The following TOP1MT variants were observed in gnomAD, a reference collection of about 807,000 sequenced individuals.
The protein encoded by TOP1MT is DNA topoisomerase I mitochondrial, also known as DNA topoisomerase I, mitochondrial.
A neutral mutation model predicts 73.9 loss-of-function variants in TOP1MT; 80 were observed. The observed-to-expected ratio is 1.08, with a 90% CI of 0.90 to 1.30. TOP1MT has a LOEUF of 1.30. Among genes scored for constraint, TOP1MT ranks in the 50% most tolerant of loss-of-function variants. The pLI is 0.00. For missense variants in TOP1MT, 815 were observed against 808.0 expected, an observed-to-expected ratio of 1.01 and a Z score of -0.10; for synonymous variants, 338 against 326.4, an observed-to-expected ratio of 1.04 and a Z score of -0.38.
At chr8:143,359,278 G>C (rs1817463576), upstream of TOP1MT, 4 of 985,082 alleles carry the variant, frequency 4.1e-6, no homozygotes, top group South Asian at 1.9e-4. Flanking sequence ...GGTGTTACAA[G>C]GTGGCTGCCA....
At chr8:143,326,862 T>C (rs150359801) in intron 3 of TOP1MT, among the ~76,000 whole-genome samples, 241 of 152,232 alleles carry the variant, frequency 1.6e-3, no homozygotes, top group Non-Finnish European at 2.9e-3. Flanking sequence ...TTGTAAATCA[T>C]AGTCACAGCT....
At chr8:143,326,090 G>T in intron 4 of TOP1MT, 132 bp downstream of exon 4, 2 of 1,056,864 alleles carry the variant, frequency 1.9e-6, no homozygotes, top group Non-Finnish European at 2.7e-6. Flanking sequence ...GGGCGCTAAG[G>T]CTGACGAGAA....
rs1160096626 is a variant in TOP1MT, at chr8:143,342,641, CTAT to C, written c.29+576_29+578del. Among the ~76,000 whole-genome samples the C allele has an allele frequency of 3.8e-3, 84 of 22,116 alleles. 10 individuals carry two copies. Among genetic ancestry groups the C allele is most frequent in the African/African-American group, 0.013 (40 of 3,180 alleles). 14.5% of individuals were successfully genotyped at this position (22,116 alleles called of 152,430 possible). ...TATTATTATTAGAGACAGTCTCGCT[CTAT>C]TATTATTATTATTATTAGAGACAGT... On this transcript the variant is annotated intron_variant, in intron 2 of 5. Coordinates refer to the TOP1MT transcript ENST00000518007.
At chr8:143,322,653 AC>A (rs1816502480) in intron 7 of TOP1MT, among the ~76,000 whole-genome samples, 1 of 65,428 alleles carries the variant, frequency 1.5e-5, no homozygotes. Flanking sequence ...CCACACGCAC[AC>A]CACACACGCA....
At chr8:143,337,453 A>G (rs977176260), upstream of TOP1MT, among the ~76,000 whole-genome samples, 4 of 152,190 alleles carry the variant, frequency 2.6e-5, no homozygotes, top group African/African-American at 9.7e-5. Context: ...AACTCAATAC[A>G]ATCCCCATCT....
At chr8:143,323,364 G>C (rs1436376211) in intron 7 of TOP1MT, among the ~76,000 whole-genome samples, 5 of 72,378 alleles carry the variant, frequency 6.9e-5, no homozygotes, top group African/African-American at 1.8e-4. Context: ...CACACCCACA[G>C]GCACGCCACA....
chr8:143,359,721 G>T (rs1181190262), upstream of TOP1MT, among the ~76,000 whole-genome samples: 2 of 152,148 alleles, frequency 1.3e-5, no homozygotes, highest in Admixed American at 6.5e-5. Context: ...GTCGTGCGCG[G>T]AGGGGGAGGT....
chr8:143,328,206 T>C (rs1350104391), intron 3 of TOP1MT: 2 of 455,462 alleles, frequency 4.4e-6, no homozygotes, highest in African/African-American at 4.0e-5. Context: ...AAAAGACAGA[T>C]TGATAAACGG....
chr8:143,337,377 C>T (rs569175020), upstream of TOP1MT, among the ~76,000 whole-genome samples: 1 of 152,084 alleles, frequency 6.6e-6, no homozygotes, highest in African/African-American at 2.4e-5. Context: ...TACACTCCAG[C>T]GTGGGCAACA....
chr8:143,346,980 T>C (rs1417303041), upstream of TOP1MT, among the ~76,000 whole-genome samples: 2 of 151,078 alleles, frequency 1.3e-5, no homozygotes, highest in Non-Finnish European at 2.9e-5. Flanking sequence ...TTTATTTATT[T>C]ATTTATTTAT....
intron 1 of TOP1MT, among the ~76,000 whole-genome samples, chr8:143,332,296 G>C (rs1414758392): frequency 6.6e-6 from 1 of 152,188 alleles, no homozygotes; most frequent in African/African-American, 2.4e-5. Flanking sequence ...GGCAGGCAGT[G>C]GGCAGGCTCG....
intron 1 of TOP1MT, among the ~76,000 whole-genome samples, chr8:143,354,376 A>G (rs568597891): frequency 1.3e-5 from 2 of 152,232 alleles, no homozygotes; most frequent in African/African-American, 4.8e-5. Context: ...AAAGTAGATT[A>G]GTGGTTGCCA....
rs544759002 is a variant in TOP1MT at position 143,315,672 on chromosome 8, C to G, written c.1553+55G>C. 21 of 1,449,104 alleles carry G rather than the reference C, an allele frequency of 1.4e-5. No homozygotes were observed. The African/African-American group carries it at 2.9e-4, about 20-fold the overall frequency. The allele number at this position is 1,449,104 out of a possible 1,614,324, so 89.8% of individuals were successfully genotyped here. On this transcript the variant is annotated intron_variant, in intron 12 of 13. Transcript: ENST00000329245. ...TCCCACCGACCCTGTGGGGCTGGAC[C>G]CTACGGGTTGGGACAGGGCCCCGGG...
chr8:143,321,940 GCACGCCACACACGCACGCCACACA>G (rs1816421767), intron 7 of TOP1MT, among the ~76,000 whole-genome samples: 1 of 32,448 alleles, frequency 3.1e-5, no homozygotes, highest in Non-Finnish European at 6.7e-5. Context: ...CGCCACACAC[GCACGCCACACACGCACGCCACACA>G]CATGCTCACC....
In TOP1MT at chr8:143,344,679, C is replaced by G. The variant is rs2467939; in HGVS notation, c.-39+237G>C. 0.87 allele frequency: 132,014 copies of G among 152,378 alleles called. 57,246 individuals are homozygous for G. The highest frequency in any genetic ancestry group is 0.92 in the South Asian group (4,450 of 4,820). The allele number at this position is 152,378 out of a possible 1,614,324, so 9.4% of individuals were successfully genotyped here. On this transcript the variant is annotated intron_variant, in intron 1 of 5. Transcript: ENST00000518007. The surrounding 1 kb of genome is among the most constrained non-coding windows in gnomAD (Gnocchi z 4.6). ...GCGATCTCTGTCACTCCCAGACGCC[C>G]CCTCCCCAGTAACCCCTGTTGTGGG...
At chr8:143,321,968 GCTCA>G (rs1816424981) in intron 7 of TOP1MT, among the ~76,000 whole-genome samples, 2 of 45,604 alleles carry the variant, frequency 4.4e-5, no homozygotes, top group Non-Finnish European at 8.0e-5. Context: ...CCACACACAT[GCTCA>G]CCACACGCAC....
intron 8 of TOP1MT, among the ~76,000 whole-genome samples, chr8:143,320,240 T>C (rs972155415): frequency 7.2e-5 from 11 of 151,810 alleles, no homozygotes; most frequent in Non-Finnish European, 1.3e-4. Flanking sequence ...GCCATTCTCC[T>C]GCCTCAGCCT....
In TOP1MT at chr8:143,321,317, G is replaced by T. The variant is rs72701720; in HGVS notation, c.1030C>A (p.Arg344Ser). 2.5e-6 allele frequency: 4 copies of T among 1,611,320 alleles called. No individual in the cohort carries two copies. Among genetic ancestry groups the T allele is most frequent in the Non-Finnish European group, 3.4e-6 (4 of 1,178,372 alleles). The change falls in exon 8 of 14, where the codon CGC (arginine) becomes AGC (serine). Residue 344 changes from arginine (R) to serine (S), a missense_variant. Arg to Ser is a moderately radical substitution (Grantham distance 110). Around this residue, in one of 3 missense-constraint regions of TOP1MT, gnomAD observed 751 missense variants for 725.4 expected, o/e 1.04. Transcript: ENST00000329245. Reference sequence around the variant, plus strand: ...GGGTGCAGCTGGACGTGCTCCACGCGGAGGGAACAGCAGCCCACGGTGTCG... The same window carrying T: ...GGGTGCAGCTGGACGTGCTCCACGCTGAGGGAACAGCAGCCCACGGTGTCG... ...AADTVGCCSL[R>S]VEHVQLHPEA...
upstream of TOP1MT, among the ~76,000 whole-genome samples, chr8:143,348,723 G>C (rs901983897): frequency 6.6e-6 from 1 of 152,164 alleles, no homozygotes; most frequent in Non-Finnish European, 1.5e-5. This position sits in a 1 kb window ranked among gnomAD's most constrained non-coding sequence, Gnocchi z 4.6. Context: ...GCCTCTGCAG[G>C]CTGTGAGGAT....
Sources: gnomAD v4.1 joint callset for allele counts (sites outside exome capture counted in the v4.1 genomes callset) on GRCh38, gnomAD v4.1.1 for gene constraint, gnomAD v4.1.1 regional missense constraint, Gnocchi (gnomAD v3.1) non-coding constraint, MANE v1.5 for transcripts, NCBI Gene and HGNC (gene_info 2026-07-23, HGNC 2026-07-21) for gene names.